Variants in ZNF704 observed in about 807,000 individuals in gnomAD.
The protein encoded by ZNF704 is zinc finger protein 704.
A neutral mutation model predicts 44.7 loss-of-function variants in ZNF704; 10 were observed. The ratio of observed to expected loss-of-function variants is 0.22; its 90% CI spans 0.14 to 0.38. The LOEUF is 0.38. ZNF704 is among the 10% of genes least tolerant of loss of function. The pLI is 1.00. For synonymous variants in ZNF704, 211 were observed against 207.6 expected, an observed-to-expected ratio of 1.02 and a Z score of -0.14; for missense variants, 390 against 545.5, an observed-to-expected ratio of 0.71 and a Z score of 2.84.
At chr8:80,853,783 T>C (rs1416405433) in intron 1 of ZNF704, among the ~76,000 whole-genome samples, 1 of 152,102 alleles carries the variant, frequency 6.6e-6, no homozygotes, top group Non-Finnish European at 1.5e-5. Flanking sequence ...TTTTATTGAG[T>C]ACTGGTACCA....
At chr8:80,660,170 T>C (rs1818076481) in intron 6 of ZNF704, among the ~76,000 whole-genome samples, 2 of 152,150 alleles carry the variant, frequency 1.3e-5, no homozygotes, top group South Asian at 4.1e-4. Flanking sequence ...TGCACAACTA[T>C]ATATTATAAA....
chr8:80,659,645 G>A lies in ZNF704; in HGVS notation c.972C>T (p.Pro324=), dbSNP rs780591165. ...AGGAAATGCTGAAGCTGCTGCCATT[G>A]GGGGTGAACTTGGCCGATCCTGGAA... is the stretch of plus-strand genomic sequence containing the variant. The part of the protein sequence containing the change: ...VTIPGSAKFT[P]NGSSFSISWQ... The change falls in exon 7 of 9, where the codon CCC becomes CCT. Residue 324 remains proline, a synonymous_variant. Coordinates refer to ENST00000327835, the MANE Select transcript of ZNF704 (RefSeq NM_001033723.3). 1.2e-6 allele frequency: 2 copies of A among 1,613,872 alleles called. No homozygotes were observed. The highest frequency in any genetic ancestry group is 2.7e-5 in the African/African-American group (2 of 74,900).
intron 2 of ZNF704, among the ~76,000 whole-genome samples, chr8:80,743,717 C>G (rs1364344529): frequency 6.6e-6 from 1 of 152,190 alleles, no homozygotes; most frequent in East Asian, 1.9e-4. Flanking sequence ...CCTGACTGTG[C>G]CTCTTACTAC....
At chr8:80,698,735 C>T (rs947141406) in intron 2 of ZNF704, among the ~76,000 whole-genome samples, 11 of 152,204 alleles carry the variant, frequency 7.2e-5, no homozygotes, top group East Asian at 1.9e-4. Context: ...AGGCAATCAG[C>T]GCAGTGCGCA....
At chr8:80,793,817 C>A (rs1414026344) in intron 2 of ZNF704, among the ~76,000 whole-genome samples, 1 of 152,098 alleles carries the variant, frequency 6.6e-6, no homozygotes, top group Non-Finnish European at 1.5e-5. Flanking sequence ...CTATGTACCA[C>A]AATGAAAACT....
rs113254692 is a variant in ZNF704 at position 80,861,374 on chromosome 8, CT to C, written c.-22+13196del. Among the ~76,000 whole-genome samples, 800 of 152,114 alleles carry C rather than the reference CT, an allele frequency of 5.3e-3. 6 individuals carry two copies. Among genetic ancestry groups the C allele is most frequent in the African/African-American group, 0.018 (755 of 41,504 alleles). ...ATTAACCCTCTCCTTTCCTCCACTT[CT>C]TTTTTTTCCTGAAAAATGCAATGAA... On this transcript the variant is annotated intron_variant, in intron 1 of 8. Transcript: ENST00000327835.
At chr8:80,882,708 A>G in the ZNF704 span, among the ~76,000 whole-genome samples, 1 of 151,980 alleles carries the variant, frequency 6.6e-6, no homozygotes, top group Non-Finnish European at 1.5e-5. Context: ...TTCAATTTTG[A>G]TTTCCTTTTA....
intron 1 of ZNF704, among the ~76,000 whole-genome samples, chr8:80,867,070 G>A (rs938965202): frequency 3.3e-5 from 5 of 152,142 alleles, no homozygotes; most frequent in Admixed American, 3.3e-4. Flanking sequence ...GACTGGTAAT[G>A]ACATCTTCTA....
intron 5 of ZNF704, among the ~76,000 whole-genome samples, chr8:80,665,794 T>G (rs1164915104): frequency 6.6e-6 from 1 of 151,976 alleles, no homozygotes; most frequent in Non-Finnish European, 1.5e-5. Context: ...TTAAGCAGGA[T>G]TAGTAATGCG....
intron 1 of ZNF704, among the ~76,000 whole-genome samples, chr8:80,859,874 T>C (rs1809029678): frequency 6.6e-6 from 1 of 152,132 alleles, no homozygotes; most frequent in African/African-American, 2.4e-5. Flanking sequence ...ACAGTGAGAA[T>C]GAGGCTTGCA....
intron 2 of ZNF704, among the ~76,000 whole-genome samples, chr8:80,708,152 CATTTAAAA>C (rs1818925760): frequency 6.6e-6 from 1 of 152,168 alleles, no homozygotes; most frequent in African/African-American, 2.4e-5. Context: ...GTAATTCTGT[CATTTAAAA>C]ATTTGTTCGT....
intron 2 of ZNF704, among the ~76,000 whole-genome samples, chr8:80,775,416 T>C (rs2129679161): frequency 6.6e-6 from 1 of 152,362 alleles, no homozygotes; most frequent in South Asian, 2.1e-4. Context: ...ATTGGTCTAT[T>C]CTTACTATAT....
intron 2 of ZNF704, among the ~76,000 whole-genome samples, chr8:80,704,634 C>T (rs75414277): frequency 0.072 from 11,018 of 152,128 alleles, 1,356 homozygotes; most frequent in African/African-American, 0.25. Flanking sequence ...CAATGGCCAA[C>T]GATTTACTAA....
At chr8:80,704,113 T>C (rs896209831) in intron 2 of ZNF704, among the ~76,000 whole-genome samples, 1 of 152,202 alleles carries the variant, frequency 6.6e-6, no homozygotes, top group Non-Finnish European at 1.5e-5. Context: ...CACAGACACA[T>C]CAGTGAACTC....
chr8:80,757,925 T>C (rs1177419699), intron 2 of ZNF704, among the ~76,000 whole-genome samples: 1 of 152,084 alleles, frequency 6.6e-6, no homozygotes, highest in East Asian at 1.9e-4. Flanking sequence ...AATGACAAAA[T>C]TGCCTAATGA....
At chr8:80,745,411 C>T (rs1043534630) in intron 2 of ZNF704, among the ~76,000 whole-genome samples, 1 of 151,998 alleles carries the variant, frequency 6.6e-6, no homozygotes, top group African/African-American at 2.4e-5. Context: ...AGGGCTGTGG[C>T]AATTATGCAG....
chr8:80,649,605 T>C (rs1243083418), intron 7 of ZNF704, among the ~76,000 whole-genome samples: 1 of 152,072 alleles, frequency 6.6e-6, no homozygotes, highest in African/African-American at 2.4e-5. Flanking sequence ...AAGGTGGCAG[T>C]GAGGCTGGGG....
the ZNF704 span, among the ~76,000 whole-genome samples, chr8:80,881,045 G>C: frequency 6.6e-6 from 1 of 152,130 alleles, no homozygotes; most frequent in Admixed American, 6.5e-5. Context: ...CAAAGACTTA[G>C]GTTTTGTTTT....
intron 1 of ZNF704, among the ~76,000 whole-genome samples, chr8:80,827,033 C>G (rs943975314): frequency 6.6e-6 from 1 of 152,306 alleles, no homozygotes; most frequent in East Asian, 1.9e-4. Flanking sequence ...GATGCCCTCT[C>G]TCTCCACTCC....
Sources: allele counts gnomAD v4.1 joint callset (sites outside exome capture counted in the v4.1 genomes callset), GRCh38; gene constraint gnomAD v4.1.1; transcripts MANE v1.5; gene names NCBI Gene and HGNC (gene_info 2026-07-23, HGNC 2026-07-21).